The following MFSD2A variants were observed in gnomAD, a reference collection of about 807,000 sequenced individuals.
MFSD2A encodes the protein sodium-dependent lysophosphatidylcholine symporter 1.
A neutral mutation model predicts 64.7 loss-of-function variants in MFSD2A; 27 were observed. The ratio of observed to expected loss-of-function variants is 0.42; its 90% confidence interval spans 0.31 to 0.58. The LOEUF is 0.58. Ranked by LOEUF, MFSD2A falls within the 20% of genes least tolerant of loss-of-function variation. The probability of loss-of-function intolerance (pLI) is 0.18; values close to 1 mark genes in which losing one functional copy is unlikely to be tolerated. For missense variants in MFSD2A, 474 were observed against 679.5 expected (o/e 0.70, Z 3.36); for synonymous variants, 258 against 273.4 (o/e 0.94, Z 0.55).
Position 39,964,024 on chromosome 1 carries a change from C to T in MFSD2A, c.354-1187C>T, listed in dbSNP as rs757337382. Among the ~76,000 whole-genome samples the T allele has an allele frequency of 1.3e-5, 2 of 152,262 alleles. No homozygotes were observed. Among genetic ancestry groups the T allele is most frequent in the Non-Finnish European group, 2.9e-5 (2 of 68,054 alleles). On this transcript the variant is annotated intron_variant, in intron 3 of 13. Coordinates refer to ENST00000372811, the MANE Select transcript of MFSD2A (RefSeq NM_032793.5). This position sits in a 1 kb window ranked among gnomAD's most constrained non-coding sequence, Gnocchi z 4.1. ...GTGCTGGGATTACAGGCATGAGCCA[C>T]TGCGCCTAGCCTAAGTACATTCACT...
Position 39,966,631 on chromosome 1 carries a change from AT to A in MFSD2A, c.747del (p.Ile249MetfsTer6). On this transcript the variant is annotated frameshift_variant, in exon 7 of 14. Transcript: ENST00000372811. LOFTEE classifies it high-confidence loss of function. ...QKAYLLAAGV[I>X]VCIYIICAVI... ...GGCATACCTGCTGGCAGCGGGGGTC[AT>A]TGTCTGTATCTATATAATCTGTGCT... is the stretch of plus-strand genomic sequence containing the variant. 10 of 1,613,806 alleles carry A rather than the reference AT, an allele frequency of 6.2e-6. No individual in the cohort carries two copies. The highest frequency in any genetic ancestry group is 8.5e-6 in the Non-Finnish European group (10 of 1,179,850).
chr1:39,958,561 T>C lies in MFSD2A; in HGVS notation c.229-140T>C. ...TCATTATTAACAAGGCAAGTGAAGA[T>C]GTGTAAGGTCCATGTGGGAGCAGCT... is the stretch of plus-strand genomic sequence containing the variant. On this transcript the variant is annotated intron_variant, in intron 2 of 13. Coordinates refer to ENST00000372811, the MANE Select transcript of MFSD2A (RefSeq NM_032793.5). This position sits in a 1 kb window ranked among gnomAD's most constrained non-coding sequence, Gnocchi z 4.7. The C allele has an allele frequency of 8.0e-7, 1 of 1,254,458 alleles. No individual in the cohort carries two copies. Among genetic ancestry groups the C allele is most frequent in the Non-Finnish European group, 1.2e-6 (1 of 866,114 alleles). 77.7% of individuals were successfully genotyped at this position (1,254,458 alleles called of 1,614,324 possible).
rs994759123 is a variant in MFSD2A at position 39,958,293 on chromosome 1, T to C, written c.229-408T>C. Reference sequence around the variant, plus strand: ...AGAGCTTGAACCTGTAAGGTAGAGCTCATAACTCCCATTATACAGATGGGA... The same window carrying C: ...AGAGCTTGAACCTGTAAGGTAGAGCCCATAACTCCCATTATACAGATGGGA... On this transcript the variant is annotated intron_variant, in intron 2 of 13. Transcript: ENST00000372811. The surrounding 1 kb of genome is among the most constrained non-coding windows in gnomAD (Gnocchi z 4.7). 1.3e-5 allele frequency among the ~76,000 whole-genome samples: 2 copies of C among 152,070 alleles called. No individual in the cohort carries two copies. Among genetic ancestry groups the C allele is most frequent in the African/African-American group, 4.8e-5 (2 of 41,392 alleles).
intron 3 of MFSD2A, among the ~76,000 whole-genome samples, chr1:39,959,495 C>T (rs1453163722): frequency 2.0e-5 from 3 of 152,054 alleles, no homozygotes; most frequent in Non-Finnish European, 4.4e-5. Context: ...TCAAGGTGTC[C>T]TCCCGCCTCA....
At chr1:39,959,899 G>C (rs1644998013) in intron 3 of MFSD2A, among the ~76,000 whole-genome samples, 1 of 152,200 alleles carries the variant, frequency 6.6e-6, no homozygotes, top group Non-Finnish European at 1.5e-5. Flanking sequence ...TCCTGGGCTG[G>C]GAATTAGACT....
chr1:39,965,452 G>C lies in MFSD2A; in HGVS notation c.478-19G>C. 6.2e-7 allele frequency: 1 copy of C among 1,614,014 alleles called. No homozygotes were observed. Among genetic ancestry groups the C allele is most frequent in the East Asian group, 2.2e-5 (1 of 44,870 alleles). On this transcript the variant is annotated intron_variant, in intron 4 of 13. Coordinates refer to ENST00000372811, the MANE Select transcript of MFSD2A (RefSeq NM_032793.5). The surrounding 1 kb of genome is among the most constrained non-coding windows in gnomAD (Gnocchi z 5.5). Reference sequence around the variant, plus strand: ...GTGTCCACCCGCCTGACCAGCCAATGACCTGTCTTCTATGCCAGTGTTTCC... The same window carrying C: ...GTGTCCACCCGCCTGACCAGCCAATCACCTGTCTTCTATGCCAGTGTTTCC...
At position 39,962,776 on chromosome 1, in the gene MFSD2A, C is replaced by T. The variant is rs544865268; in HGVS notation, c.354-2435C>T. On this transcript the variant is annotated intron_variant, in intron 3 of 13. Transcript: ENST00000372811. Reference sequence around the variant, plus strand: ...TTGGTGAAGGACATGAAGATCAAGTCCCTGCAGGAGATCTATCTCTTCTCT... The same window carrying T: ...TTGGTGAAGGACATGAAGATCAAGTTCCTGCAGGAGATCTATCTCTTCTCT... 10 of 1,014,642 alleles carry T rather than the reference C, an allele frequency of 9.9e-6. No homozygotes were observed. The African/African-American group carries it at 1.1e-4, about 11-fold the overall frequency. The allele number at this position is 1,014,642 out of a possible 1,614,324, so 62.9% of individuals were successfully genotyped here. A position where few individuals can be genotyped will look rare whatever the true frequency, so the allele number is the denominator to read the frequency against.
chr1:39,967,841 A>C lies in MFSD2A; in HGVS notation c.1133A>C (p.Glu378Ala). Residue 378 changes from glutamate (E) to alanine (A), a missense_variant, in exon 11 of 14, where the codon GAG (glutamate) becomes GCG (alanine). Glu to Ala is a moderately radical substitution (Grantham distance 107). Transcript: ENST00000372811. ...TTTCTCATCTTGGTGGCCCTCATGGAGAGTAACCTCATCATTACATATGCG... is the reference window on the plus strand; with the variant it reads ...TTTCTCATCTTGGTGGCCCTCATGGCGAGTAACCTCATCATTACATATGCG... ...VPFLILVALM[E>A]SNLIITYAVA... 1 of 1,613,852 alleles carries C rather than the reference A, an allele frequency of 6.2e-7. No homozygotes were observed. The highest frequency in any genetic ancestry group is 8.5e-7 in the Non-Finnish European group (1 of 1,179,922).
chr1:39,968,141 G>A lies in MFSD2A; in HGVS notation c.1209-193G>A. 1.4e-6 allele frequency: 1 copy of A among 712,914 alleles called. No homozygotes were observed. Among genetic ancestry groups the A allele is most frequent in the Non-Finnish European group, 2.3e-6 (1 of 438,126 alleles). The allele number at this position is 712,914 out of a possible 1,614,324, so 44.2% of individuals were successfully genotyped here. A position where few individuals can be genotyped will look rare whatever the true frequency, so the allele number is the denominator to read the frequency against. ...CTGTAATCTGGCCTGGGCTCCACTTGCCACGCTGAGCACCTCCAGGCAGGG... is the reference window on the plus strand; with the variant it reads ...CTGTAATCTGGCCTGGGCTCCACTTACCACGCTGAGCACCTCCAGGCAGGG... On this transcript the variant is annotated intron_variant, in intron 11 of 13. Transcript: ENST00000372811. This position sits in a 1 kb window ranked among gnomAD's most constrained non-coding sequence, Gnocchi z 4.4.
In MFSD2A at chr1:39,968,300, G is replaced by A; in HGVS notation, c.1209-34G>A. The A allele has an allele frequency of 6.2e-7, 1 of 1,613,860 alleles. No individual in the cohort carries two copies. The highest frequency in any genetic ancestry group is 1.7e-5 in the Admixed American group (1 of 60,024). ...CATTAACACAGAGGCCCGTTAGGTGGGTCAGTCCTCATGGCTGTCACTACT... is the reference window on the plus strand; with the variant it reads ...CATTAACACAGAGGCCCGTTAGGTGAGTCAGTCCTCATGGCTGTCACTACT... On this transcript the variant is annotated intron_variant, in intron 11 of 13. Transcript: ENST00000372811. This position sits in a 1 kb window ranked among gnomAD's most constrained non-coding sequence, Gnocchi z 4.4.
intron 10 of MFSD2A, 28 bp downstream of exon 10, chr1:39,967,739 G>T: frequency 6.2e-7 from 1 of 1,612,474 alleles, no homozygotes; most frequent in South Asian, 1.1e-5. Context: ...GCAGAGCCTG[G>T]GTTGAGTTGG....
rs780805537 is a variant in MFSD2A at position 39,968,599 on chromosome 1, G to A, written c.1383G>A (p.Ser461=). Residue 461 remains serine, a synonymous_variant, in exon 13 of 14, where the codon TCG becomes TCA. Transcript: ENST00000372811. This position sits in a 1 kb window ranked among gnomAD's most constrained non-coding sequence, Gnocchi z 4.4. ...CAGGGTACCAGACCCGTGGCTGCTC[G>A]CAGCCGGAACGTGTCAAGTTTACAC... is the stretch of plus-strand genomic sequence containing the variant. ...DFAGYQTRGC[S]QPERVKFTLN... 15 of 1,614,028 alleles carry A rather than the reference G, an allele frequency of 9.3e-6. No individual in the cohort carries two copies. The highest frequency in any genetic ancestry group is 1.6e-4 in the Middle Eastern group (1 of 6,084).
rs966806960 is a variant in MFSD2A at position 39,965,960 on chromosome 1, A to G, written c.660A>G (p.Thr220=). The part of the protein sequence containing the change: ...TPCFQDLNSS[T]VASQSANHTH... The stretch of plus-strand genomic sequence containing the variant: ...GTTTCCAGGACCTCAATAGCTCTAC[A>G]GTAGCTTCACAAAGTGCCAACCATA... Residue 220 remains threonine (T), a synonymous_variant, in exon 6 of 14, where the codon ACA becomes ACG. Transcript: ENST00000372811. The surrounding 1 kb of genome is among the most constrained non-coding windows in gnomAD (Gnocchi z 5.5). 14 of 1,614,094 alleles carry G rather than the reference A, an allele frequency of 8.7e-6. No individual in the cohort carries two copies. Among genetic ancestry groups the G allele is most frequent in the Non-Finnish European group, 1.2e-5 (14 of 1,180,046 alleles).
At position 39,966,858 on chromosome 1, in the gene MFSD2A, C is replaced by A; in HGVS notation, c.853C>A (p.Leu285Ile). 1 of 1,614,046 alleles carries A rather than the reference C, an allele frequency of 6.2e-7. No individual in the cohort carries two copies. Among genetic ancestry groups the A allele is most frequent in the Non-Finnish European group, 8.5e-7 (1 of 1,180,042 alleles). ...QSEPIAYFRG[L>I]RLVMSHGPYI... The stretch of plus-strand genomic sequence containing the variant: ...TGAGCCAATCGCCTACTTCCGGGGC[C>A]TACGGCTGGTCATGAGCCACGGCCC... The change falls in exon 8 of 14, where the codon CTA (leucine) becomes ATA (isoleucine). Residue 285 changes from leucine (L) to isoleucine (I), a missense_variant. Coordinates refer to ENST00000372811, the MANE Select transcript of MFSD2A (RefSeq NM_032793.5).
chr1:39,962,957 C>T (rs933945218), intron 3 of MFSD2A: 14 of 1,549,516 alleles, frequency 9.0e-6, no homozygotes, highest in Admixed American at 1.7e-5. Flanking sequence ...ATGGCCATGT[C>T]GGTCTGGGTG....
rs1645177339 is a variant in MFSD2A at position 39,967,006 on chromosome 1, T to A, written c.927+74T>A. 3.1e-6 allele frequency: 5 copies of A among 1,611,254 alleles called. No homozygotes were observed. In the South Asian group the frequency reaches 5.5e-5, roughly 18 times the overall value. On this transcript the variant is annotated intron_variant, in intron 8 of 13. Coordinates refer to ENST00000372811, the MANE Select transcript of MFSD2A (RefSeq NM_032793.5). Reference sequence around the variant, plus strand: ...CGGGGTGAGCAGAGGTCTCTGGGGCTTGGGGGATGTCTTGGGGAGGCTCAG... The same window carrying A: ...CGGGGTGAGCAGAGGTCTCTGGGGCATGGGGGATGTCTTGGGGAGGCTCAG...
intron 2 of MFSD2A, 67 bp downstream of exon 2, chr1:39,957,288 G>A (rs1644952639): frequency 1.4e-6 from 2 of 1,456,448 alleles, no homozygotes; most frequent in East Asian, 2.4e-5. Context: ...GCACCCCTGG[G>A]TCAGTTCGCT....
intron 9 of MFSD2A, chr1:39,967,402 G>A (rs1464299142): frequency 1.6e-6 from 1 of 625,970 alleles, no homozygotes; most frequent in Non-Finnish European, 2.8e-6. Context: ...AGGACACCAG[G>A]AACTTGGCTC....
chr1:39,955,161 C>A lies in MFSD2A; in HGVS notation c.-132C>A. 1 of 638,182 alleles carries A rather than the reference C, an allele frequency of 1.6e-6. No individual in the cohort carries two copies. Among genetic ancestry groups the A allele is most frequent in the Non-Finnish European group, 2.3e-6 (1 of 432,920 alleles). The allele number at this position is 638,182 out of a possible 1,614,324, so 39.5% of individuals were successfully genotyped here. A position where few individuals can be genotyped will look rare whatever the true frequency, so the allele number is the denominator to read the frequency against. ...GCGTGCAGCAGAGTGCGTTCCTCGT[C>A]TGCCAGCCGGCTTGGCTAGCGCGCG... On this transcript the variant is annotated 5_prime_UTR_variant, in exon 1 of 14. In the 5' UTR this introduces an upstream ATG that the reference lacks. Coordinates refer to ENST00000372811, the MANE Select transcript of MFSD2A (RefSeq NM_032793.5). This position sits in a 1 kb window ranked among gnomAD's most constrained non-coding sequence, Gnocchi z 5.9.
Sources: gnomAD v4.1 joint callset for allele counts (sites outside exome capture counted in the v4.1 genomes callset) on GRCh38, gnomAD v4.1.1 for gene constraint, Gnocchi (gnomAD v3.1) non-coding constraint, MANE v1.5 for transcripts, NCBI Gene and HGNC (gene_info 2026-07-23, HGNC 2026-07-21) for gene names.